UNC13D: variants seen among roughly 807,000 people sequenced by gnomAD.
UNC13D encodes unc-13 homolog D.
In UNC13D, 115 loss-of-function variants were observed where a neutral mutation model predicts 151.7. The observed-to-expected ratio is 0.76, with a 90% CI of 0.65 to 0.88. UNC13D has a LOEUF of 0.88. Among genes scored for constraint, UNC13D ranks in the 40% least tolerant of loss-of-function variants. UNC13D has a pLI of 0.00. For synonymous variants in UNC13D, 588 were observed against 612.2 expected, an observed-to-expected ratio of 0.96 and a Z score of 0.58; for missense variants, 1,369 against 1,438.7, an observed-to-expected ratio of 0.95 and a Z score of 0.78.
rs868129799 is a variant in UNC13D, at chr17:75,840,621, A to G, written c.684-45T>C. The G allele has an allele frequency of 8.7e-6, 14 of 1,613,568 alleles. No individual in the cohort carries two copies. The Middle Eastern group carries it at 2.0e-3, about 228-fold the overall frequency. The stretch of plus-strand genomic sequence containing the variant: ...ATAAGGGGGACGCAGCAAGGGTCGG[A>G]AGGGATTAGGCTGGAATCCACCCCC... On this transcript the variant is annotated intron_variant, in intron 8 of 31. Coordinates refer to ENST00000207549, the MANE Select transcript of UNC13D (RefSeq NM_199242.3). This position sits in a 1 kb window ranked among gnomAD's most constrained non-coding sequence, Gnocchi z 4.6.
At chr17:75,841,333 C>T (rs1024405208) in intron 6 of UNC13D, among the ~76,000 whole-genome samples, 20 of 150,892 alleles carry the variant, frequency 1.3e-4, no homozygotes, top group Non-Finnish European at 7.4e-5. Context: ...TTAGTAGAGA[C>T]GGGGTTTCAC....
chr17:75,837,799 G>A (rs1333598907), intron 12 of UNC13D, among the ~76,000 whole-genome samples: 2 of 151,238 alleles, frequency 1.3e-5, no homozygotes, highest in Non-Finnish European at 2.9e-5. Flanking sequence ...CTATGAACCT[G>A]AGCCTTCGTG....
chr17:75,844,218 T>C lies in UNC13D; in HGVS notation c.117+3A>G. 6.2e-7 allele frequency: 1 copy of C among 1,611,316 alleles called. No homozygotes were observed. Among genetic ancestry groups the C allele is most frequent in the Non-Finnish European group, 8.5e-7 (1 of 1,179,906 alleles). On this transcript the variant is annotated splice_donor_region_variant and intron_variant, in intron 1 of 31. Coordinates refer to ENST00000207549, the MANE Select transcript of UNC13D (RefSeq NM_199242.3). ...GCTCTCTCCCCAGTGAGGTCACTCCTACCTCCGGGGCCATTTGGGGCGGGG... is the reference window on the plus strand; with the variant it reads ...GCTCTCTCCCCAGTGAGGTCACTCCCACCTCCGGGGCCATTTGGGGCGGGG...
In UNC13D at chr17:75,840,817, CA is replaced by C. The variant is rs755619812; in HGVS notation, c.627del (p.Val210TrpfsTer39). The C allele has an allele frequency of 4.3e-6, 7 of 1,614,060 alleles. No homozygotes were observed. The highest frequency in any genetic ancestry group is 1.6e-4 in the Middle Eastern group (1 of 6,062). On this transcript the variant is annotated frameshift_variant, in exon 8 of 32. Transcript: ENST00000207549. LOFTEE classifies it high-confidence loss of function. The surrounding 1 kb of genome is among the most constrained non-coding windows in gnomAD (Gnocchi z 4.6). ...CCAAGCTTCTGTCGGACAGACTCCA[CA>C]GTGTCCAGGTCCCTGGCAGGACAGA... ...SFHLDMWDLD[T>X]VESVRQKLGE...
chr17:75,835,908 T>C lies in UNC13D; in HGVS notation c.1545-2A>G, dbSNP rs766615729. 1.2e-6 allele frequency: 2 copies of C among 1,614,174 alleles called. No homozygotes were observed. Among genetic ancestry groups the C allele is most frequent in the Admixed American group, 1.7e-5 (1 of 60,022 alleles). ...GAGAAGAGGTGGATCTTGAGGGTAC[T>C]GGAGGAAAGGCAGCAGGTGTCACCC... On this transcript the variant is annotated splice_acceptor_variant, in intron 17 of 31. Transcript: ENST00000207549. LOFTEE classifies it high-confidence loss of function.
At position 75,828,931 on chromosome 17, in the gene UNC13D, C is replaced by T. The variant is rs200462004; in HGVS notation, c.3007G>A (p.Val1003Met). 83 of 1,606,656 alleles carry T rather than the reference C, an allele frequency of 5.2e-5. No individual in the cohort carries two copies. The highest frequency in any genetic ancestry group is 6.7e-5 in the Admixed American group (4 of 59,966). ...RKAGACLLLT[V>M]LDYDTLGADD... ...GCCCCCAGCGTGTCGTAGTCCAGCA[C>T]GGTGAGCAGGAGGCATGCCCCAGCC... The change falls in exon 31 of 32, where the codon GTG becomes ATG. Residue 1003 changes from valine (V) to methionine (M), a missense_variant. Val to Met is a conservative substitution (Grantham distance 21). This residue lies in a region of UNC13D where 807 missense variants were observed against 795.5 expected (regional missense o/e 1.01). Transcript: ENST00000207549.
In UNC13D at chr17:75,840,559, C is replaced by G. The variant is rs560990369; in HGVS notation, c.701G>C (p.Arg234Pro). Residue 234 changes from arginine (R) to proline (P), a missense_variant, in exon 9 of 32, where the codon CGG becomes CCG. This residue lies in a region of UNC13D where 550 missense variants were observed against 609.0 expected (regional missense o/e 0.90). Transcript: ENST00000207549. This position sits in a 1 kb window ranked among gnomAD's most constrained non-coding sequence, Gnocchi z 4.6. ...AAAGTCGTCCTGGCCTTTGTCCTTC[C>G]GGGCCTCTTTAAAGATCCTGCGTCA... ...HGLRRIFKEA[R>P]KDKGQDDFLG... The G allele has an allele frequency of 6.2e-7, 1 of 1,613,940 alleles. No individual in the cohort carries two copies. The highest frequency in any genetic ancestry group is 1.3e-5 in the African/African-American group (1 of 74,900).
At position 75,827,551 on chromosome 17, in the gene UNC13D, CTG is replaced by C; in HGVS notation, c.*412_*413del. The C allele has an allele frequency of 7.8e-6, 12 of 1,534,778 alleles. No homozygotes were observed. Among genetic ancestry groups the C allele is most frequent in the Non-Finnish European group, 1.0e-5 (12 of 1,146,268 alleles). ...TCCCCTCTCCCTTTTCCAGGAGACT[CTG>C]TGCCTGTAGCCCTGGTCCCAGTGAA... On this transcript the variant is annotated 3_prime_UTR_variant, in exon 32 of 32. Transcript: ENST00000207549.
chr17:75,828,497 C>T (rs749056379), intron 31 of UNC13D, among the ~76,000 whole-genome samples: 3 of 152,230 alleles, frequency 2.0e-5, no homozygotes, highest in African/African-American at 2.4e-5. Flanking sequence ...AGCATCAGAC[C>T]GTTGCTGGTA....
At position 75,827,776 on chromosome 17, in the gene UNC13D, A is replaced by G. The variant is rs973594112; in HGVS notation, c.*189T>C. ...TGGAGGCAGGGAGGCGGGAGTAGAG[A>G]TGTCGCTGCTGAGCCCCCATCACCA... is the stretch of plus-strand genomic sequence containing the variant. On this transcript the variant is annotated 3_prime_UTR_variant, in exon 32 of 32. Transcript: ENST00000207549. 7.2e-5 allele frequency: 107 copies of G among 1,480,844 alleles called. No homozygotes were observed. The highest frequency in any genetic ancestry group is 9.4e-5 in the Non-Finnish European group (105 of 1,114,986). 91.7% of individuals were successfully genotyped at this position (1,480,844 alleles called of 1,614,324 possible).
chr17:75,835,748 C>G lies in UNC13D; in HGVS notation c.1626G>C (p.Thr542=), dbSNP rs371924071. 2 of 1,613,780 alleles carry G rather than the reference C, an allele frequency of 1.2e-6. No homozygotes were observed. Among genetic ancestry groups the G allele is most frequent in the Admixed American group, 3.3e-5 (2 of 60,014 alleles). ...CTGGGGACACTACATCACCCACAAC[C>G]GTCGTGTGGTCCTGCACCCGCTTGG... is the stretch of plus-strand genomic sequence containing the variant. ...LVAKRVQDHT[T]VVGDVVSPEM... Residue 542 remains threonine, a synonymous_variant, in exon 19 of 32, where the codon ACG becomes ACC. Coordinates refer to ENST00000207549, the MANE Select transcript of UNC13D (RefSeq NM_199242.3).
intron 27 of UNC13D, 114 bp from the exon 28 acceptor site, chr17:75,830,775 T>C (rs984079285): frequency 2.3e-6 from 3 of 1,324,320 alleles, no homozygotes; most frequent in African/African-American, 1.5e-5. Context: ...ATGGAAAGTA[T>C]TGGGTCATGG....
intron 12 of UNC13D, among the ~76,000 whole-genome samples, chr17:75,839,406 CAAAAAAA>C (rs34913290): frequency 9.0e-6 from 1 of 110,718 alleles, no homozygotes; most frequent in Non-Finnish European, 2.1e-5. Context: ...AACTCCGTTT[CAAAAAAA>C]AAAAAAAAAA....
chr17:75,841,182 C>G, intron 6 of UNC13D, 181 bp from the exon 7 acceptor site: 2 of 625,832 alleles, frequency 3.2e-6, no homozygotes, highest in African/African-American at 2.0e-5. Flanking sequence ...TAGTTCTGTC[C>G]CCCAGGCTGG....
rs776301674 is a variant in UNC13D at position 75,840,179 on chromosome 17, C to G, written c.858+46G>C. On this transcript the variant is annotated intron_variant, in intron 10 of 31. Coordinates refer to ENST00000207549, the MANE Select transcript of UNC13D (RefSeq NM_199242.3). The surrounding 1 kb of genome is among the most constrained non-coding windows in gnomAD (Gnocchi z 4.6). ...GCAGCCAGCCCCGCAACCCAGCAGA[C>G]CGCCGCAAGAGCTGGGCATGGCCAC... is the stretch of plus-strand genomic sequence containing the variant. The G allele has an allele frequency of 1.2e-6, 2 of 1,612,290 alleles. No individual in the cohort carries two copies. The highest frequency in any genetic ancestry group is 1.3e-5 in the African/African-American group (1 of 75,042).
chr17:75,834,587 G>C (rs985359619), intron 22 of UNC13D, 31 bp downstream of exon 22: 3 of 1,613,270 alleles, frequency 1.9e-6, no homozygotes, highest in East Asian at 4.5e-5. Flanking sequence ...CCCACACCCA[G>C]CTAGACTCCC....
Position 75,843,264 on chromosome 17 carries a change from C to A in UNC13D, c.156G>T (p.Arg52=), listed in dbSNP as rs111728477. The change falls in exon 3 of 32, where the codon CGG becomes CGT. Residue 52 remains arginine, a splice_region_variant and synonymous_variant. Transcript: ENST00000207549. ...AGAGTGCGTCCTCGTAGAGCAGGGCCCGCTAAGACACACGGGGTCACCTTG... is the reference window on the plus strand; with the variant it reads ...AGAGTGCGTCCTCGTAGAGCAGGGCACGCTAAGACACACGGGGTCACCTTG... ...PPSHHFSPEQ[R]ALLYEDALYT... The A allele has an allele frequency of 2.1e-5, 34 of 1,606,596 alleles. 1 individual carries two copies. The African/African-American group carries it at 2.8e-4, about 13-fold the overall frequency.
chr17:75,829,272 G>C (rs1266322910), intron 30 of UNC13D, among the ~76,000 whole-genome samples: 1 of 152,212 alleles, frequency 6.6e-6, no homozygotes, highest in Non-Finnish European at 1.5e-5. Context: ...TAAACACCTG[G>C]GAGTCCACCC....
rs752263804 is a variant in UNC13D at position 75,840,787 on chromosome 17, GCTCCCCAAGCTTCTGTCGGACAGA to G, written c.634_657del (p.Ser212_Glu219del). On this transcript the variant is annotated inframe_deletion, in exon 8 of 32. Coordinates refer to ENST00000207549, the MANE Select transcript of UNC13D (RefSeq NM_199242.3). This position sits in a 1 kb window ranked among gnomAD's most constrained non-coding sequence, Gnocchi z 4.6. ...CTGCGAAGCCCATGCAGATCCGTGA[GCTCCCCAAGCTTCTGTCGGACAGA>G]CTCCACAGTGTCCAGGTCCCTGGCA... 50 of 1,613,910 alleles carry G rather than the reference GCTCCCCAAGCTTCTGTCGGACAGA, an allele frequency of 3.1e-5. No homozygotes were observed. Among genetic ancestry groups the G allele is most frequent in the Non-Finnish European group, 4.2e-5 (49 of 1,180,050 alleles).
Sources: allele counts gnomAD v4.1 joint callset (sites outside exome capture counted in the v4.1 genomes callset), GRCh38; gene constraint gnomAD v4.1.1; regional missense constraint gnomAD v4.1.1; non-coding constraint Gnocchi (gnomAD v3.1); transcripts MANE v1.5; gene names NCBI Gene and HGNC (gene_info 2026-07-23, HGNC 2026-07-21).